SPAG17: variants seen among roughly 807,000 people sequenced by gnomAD.
SPAG17 encodes sperm-associated antigen 17.
SPAG17 carries 169 observed loss-of-function variants against 273.6 expected under a neutral mutation model. The ratio of observed to expected loss-of-function variants is 0.62; its 90% CI spans 0.55 to 0.70. The LOEUF (loss-of-function observed/expected upper bound fraction) is 0.70. SPAG17 is among the 30% of genes least tolerant of loss of function. The pLI is 0.00. For synonymous variants in SPAG17, 825 were observed against 873.2 expected, an observed-to-expected ratio of 0.94 and a Z score of 0.97; for missense variants, 2,557 against 2,627.8, an observed-to-expected ratio of 0.97 and a Z score of 0.59.
At chr1:117,956,984 A>T (rs1652292079) in intron 48 of SPAG17, 6 of 1,246,920 alleles carry the variant, frequency 4.8e-6, no homozygotes, top group Non-Finnish European at 5.4e-6. Flanking sequence ...AGTAGAAAAA[A>T]TAATAAAGGG....
In SPAG17 at chr1:117,994,626, C is replaced by T. The variant is rs376798013; in HGVS notation, c.5054-96G>A. Reference sequence around the variant, plus strand: ...CTAAATTCAACAAGCTCTTTTTGAACAGACTTAGACATGAAAGACTAATGA... The same window carrying T: ...CTAAATTCAACAAGCTCTTTTTGAATAGACTTAGACATGAAAGACTAATGA... On this transcript the variant is annotated intron_variant, in intron 34 of 48. Transcript: ENST00000336338. 8 of 1,258,596 alleles carry T rather than the reference C, an allele frequency of 6.4e-6. No individual in the cohort carries two copies. In the East Asian group the frequency reaches 1.2e-4, roughly 19 times the overall value. The allele number at this position is 1,258,596 out of a possible 1,614,324, so 78.0% of individuals were successfully genotyped here. A position where few individuals can be genotyped will look rare whatever the true frequency, so the allele number is the denominator to read the frequency against.
chr1:117,970,462 G>A (rs1046369080), intron 45 of SPAG17, among the ~76,000 whole-genome samples: 1 of 152,216 alleles, frequency 6.6e-6, no homozygotes, highest in Non-Finnish European at 1.5e-5. Context: ...GCTGGCAGCC[G>A]GGTCATTAAG....
intron 48 of SPAG17, chr1:117,954,742 C>T (rs1651914980): frequency 1.0e-5 from 11 of 1,104,780 alleles, no homozygotes; most frequent in Non-Finnish European, 1.4e-5. Context: ...ACTTTGTCTT[C>T]AAAAGTCTCT....
At chr1:118,164,760 C>T (rs1204888525) in intron 1 of SPAG17, among the ~76,000 whole-genome samples, 1 of 152,214 alleles carries the variant, frequency 6.6e-6, no homozygotes, top group Non-Finnish European at 1.5e-5. Flanking sequence ...ATATTTCTAA[C>T]ACCATATCTT....
chr1:118,087,189 G>T (rs777254270), intron 10 of SPAG17, 181 bp from the exon 11 acceptor site: 10 of 463,952 alleles, frequency 2.2e-5, no homozygotes, highest in Non-Finnish European at 3.3e-5. Context: ...AAAAGTGTTC[G>T]CAATCCATGC....
At chr1:118,008,926 C>T (rs1456018788) in intron 30 of SPAG17, among the ~76,000 whole-genome samples, 2 of 152,018 alleles carry the variant, frequency 1.3e-5, no homozygotes, top group African/African-American at 4.8e-5. Context: ...TTCTATTCTG[C>T]CACTGATGGA....
intron 18 of SPAG17, among the ~76,000 whole-genome samples, chr1:118,065,325 T>C (rs1019309646): frequency 5.3e-5 from 8 of 152,098 alleles, no homozygotes; most frequent in African/African-American, 1.7e-4. Flanking sequence ...ATCAAACATC[T>C]TCCCTGGGCC....
chr1:118,105,761 G>C (rs1461446472), intron 4 of SPAG17, among the ~76,000 whole-genome samples: 2 of 152,068 alleles, frequency 1.3e-5, no homozygotes, highest in Non-Finnish European at 1.5e-5. Flanking sequence ...AGGTTCAAGG[G>C]AGGCAATGGC....
Position 117,996,614 on chromosome 1 carries a change from C to G in SPAG17, c.4906G>C (p.Gly1636Arg). 1.2e-6 allele frequency: 2 copies of G among 1,611,344 alleles called. No homozygotes were observed. Among genetic ancestry groups the G allele is most frequent in the Non-Finnish European group, 1.7e-6 (2 of 1,179,068 alleles). ...TTCTTTTACCTGGGGACATGTTCAC[C>G]ATAGATTTGCTGATGATTCTTTTCA... ...HLEKNHQQIYGEHVPRFFVMY... is the reference protein window; with the variant it reads ...HLEKNHQQIYREHVPRFFVMY... The change falls in exon 33 of 49, where the codon GGT becomes CGT. Residue 1636 changes from glycine to arginine, a missense_variant. Transcript: ENST00000336338.
chr1:118,006,772 C>A (rs890302003), intron 31 of SPAG17, among the ~76,000 whole-genome samples: 2 of 152,140 alleles, frequency 1.3e-5, no homozygotes, highest in Non-Finnish European at 2.9e-5. Context: ...TTTGCTAACA[C>A]TTGTGATTAT....
intron 25 of SPAG17, among the ~76,000 whole-genome samples, chr1:118,031,191 T>C (rs1478015965): frequency 6.7e-6 from 1 of 148,656 alleles, no homozygotes; most frequent in African/African-American, 2.5e-5. Context: ...TTTTTTTTTT[T>C]TTTTTTTTTT....
chr1:118,121,349 A>G (rs1657409315), intron 3 of SPAG17, among the ~76,000 whole-genome samples: 1 of 152,118 alleles, frequency 6.6e-6, no homozygotes, highest in African/African-American at 2.4e-5. Context: ...GTGTGTGGGC[A>G]TGTGGTGTGT....
At chr1:118,110,639 G>A (rs1656702636) in intron 4 of SPAG17, among the ~76,000 whole-genome samples, 1 of 152,146 alleles carries the variant, frequency 6.6e-6, no homozygotes, top group Non-Finnish European at 1.5e-5. Context: ...GTTAGCTCAG[G>A]GCATTCCTCC....
chr1:118,024,367 T>C (rs1272761368), intron 27 of SPAG17, among the ~76,000 whole-genome samples: 1 of 152,166 alleles, frequency 6.6e-6, no homozygotes, highest in Non-Finnish European at 1.5e-5. Context: ...TATTTTTCCT[T>C]AGCGACTTTT....
chr1:118,110,829 A>G (rs1187561001), intron 4 of SPAG17, among the ~76,000 whole-genome samples: 1 of 152,224 alleles, frequency 6.6e-6, no homozygotes, highest in Non-Finnish European at 1.5e-5. Flanking sequence ...GTGCCATTTC[A>G]TAATTATTGA....
chr1:118,098,345 CT>C (rs1209163978), intron 6 of SPAG17, among the ~76,000 whole-genome samples: 1 of 152,054 alleles, frequency 6.6e-6, no homozygotes, highest in East Asian at 1.9e-4. Flanking sequence ...ATAGGCTTCT[CT>C]GGGTATTTGT....
At chr1:118,184,329 G>A (rs1661080785) in intron 1 of SPAG17, among the ~76,000 whole-genome samples, 1 of 152,168 alleles carries the variant, frequency 6.6e-6, no homozygotes. Flanking sequence ...AATGTAGAAG[G>A]GGATTTCCAG....
At chr1:118,142,279 G>A (rs1195366781) in intron 3 of SPAG17, among the ~76,000 whole-genome samples, 5 of 152,098 alleles carry the variant, frequency 3.3e-5, no homozygotes, top group Non-Finnish European at 5.9e-5. Context: ...CGTCAAATTC[G>A]TAGAAACAGA....
At chr1:118,060,081 T>C (rs1161771629) in intron 18 of SPAG17, among the ~76,000 whole-genome samples, 5 of 152,158 alleles carry the variant, frequency 3.3e-5, no homozygotes, top group African/African-American at 1.2e-4. Flanking sequence ...ATTTTCAATT[T>C]TGTTTTATGG....
Sources: gnomAD v4.1 joint callset for allele counts (sites outside exome capture counted in the v4.1 genomes callset) on GRCh38, gnomAD v4.1.1 for gene constraint, MANE v1.5 for transcripts, NCBI Gene and HGNC (gene_info 2026-07-23, HGNC 2026-07-21) for gene names.